The following HCRTR2 variants were observed in gnomAD, a reference collection of about 807,000 sequenced individuals.
HCRTR2 encodes orexin receptor type 2.
A neutral mutation model predicts 49.0 loss-of-function variants in HCRTR2; 22 were observed. The ratio of observed to expected loss-of-function variants is 0.45; its 90% CI spans 0.32 to 0.64. The LOEUF is 0.64. HCRTR2 is among the 30% of genes least tolerant of loss of function. The pLI is 0.04. For synonymous variants in HCRTR2, 236 were observed against 205.3 expected (o/e 1.15, Z -1.28); for missense variants, 491 against 559.4 (o/e 0.88, Z 1.23).
chr6:55,253,716 T>C (rs1330771764), intron 2 of HCRTR2, among the ~76,000 whole-genome samples: 1 of 152,176 alleles, frequency 6.6e-6, no homozygotes, highest in African/African-American at 2.4e-5. Flanking sequence ...AATGAGATCA[T>C]GTCCTTTGCA....
chr6:55,159,041 C>T (rs534213871), intron 1 of HCRTR2, among the ~76,000 whole-genome samples: 1 of 152,298 alleles, frequency 6.6e-6, no homozygotes, highest in South Asian at 2.1e-4. Flanking sequence ...TCGACAGACA[C>T]CTCATACAGG....
chr6:55,263,701 T>C lies in HCRTR2; in HGVS notation c.647-6T>C. ...TAAGGTTTTGTTGTTTTGACTTTCA[T>C]CCTAGGTGAAATTTATCCCAAGATG... On this transcript the variant is annotated splice_polypyrimidine_tract_variant and splice_region_variant and intron_variant, in intron 3 of 6. Transcript: ENST00000370862. 1.3e-6 allele frequency: 2 copies of C among 1,525,518 alleles called. No homozygotes were observed. Among genetic ancestry groups the C allele is most frequent in the Non-Finnish European group, 1.8e-6 (2 of 1,100,660 alleles). The allele number at this position is 1,525,518 out of a possible 1,614,324, so 94.5% of individuals were successfully genotyped here.
intron 1 of HCRTR2, among the ~76,000 whole-genome samples, chr6:55,183,859 C>T (rs534481971): frequency 1.3e-4 from 20 of 152,022 alleles, no homozygotes; most frequent in African/African-American, 4.6e-4. Flanking sequence ...AGAAAGAATA[C>T]ATATTGGAAA....
upstream of HCRTR2, among the ~76,000 whole-genome samples, chr6:55,174,028 T>C (rs1283659052): frequency 1.3e-5 from 2 of 152,158 alleles, no homozygotes; most frequent in African/African-American, 4.8e-5. Context: ...ACATGCTCTG[T>C]ATTAATTGTA....
At chr6:55,120,633 C>G (rs1424648429) in intron 1 of HCRTR2, among the ~76,000 whole-genome samples, 2 of 150,840 alleles carry the variant, frequency 1.3e-5, no homozygotes, top group African/African-American at 5.0e-5. Context: ...AGTTGCTTAT[C>G]AGCTTACGGA....
intron 1 of HCRTR2, among the ~76,000 whole-genome samples, chr6:55,184,574 A>T (rs1392812984): frequency 2.0e-5 from 3 of 152,174 alleles, no homozygotes; most frequent in Non-Finnish European, 4.4e-5. Context: ...AATGACATGT[A>T]TTTTATTCAA....
At position 55,212,924 on chromosome 6, in the gene HCRTR2, A is replaced by G. The variant is rs1248772993; in HGVS notation, c.224-35715A>G. ...ACAAAGTCAGTATCTCAAAAAATAT[A>G]CTACAAAAATTCTCATGTGTCCATT... On this transcript the variant is annotated intron_variant, in intron 1 of 6. Transcript: ENST00000370862. Among the ~76,000 whole-genome samples the G allele has an allele frequency of 2.6e-5, 4 of 152,210 alleles. No homozygotes were observed. In the East Asian group the frequency reaches 5.8e-4, roughly 22 times the overall value.
chr6:55,248,716 G>A lies in HCRTR2; in HGVS notation c.301G>A (p.Val101Met), dbSNP rs1197282265. The stretch of plus-strand genomic sequence containing the variant: ...CATAGTCAATCTTTCTCTGGCTGAT[G>A]TGCTCGTGACCATCACCTGCCTTCC... Reference protein sequence around the residue: ...YFIVNLSLADVLVTITCLPAT... With the variant: ...YFIVNLSLADMLVTITCLPAT... Residue 101 changes from valine to methionine, a missense_variant, in exon 2 of 7, where the codon GTG (valine) becomes ATG (methionine). Coordinates refer to ENST00000370862, the MANE Select transcript of HCRTR2 (RefSeq NM_001384272.1). The A allele has an allele frequency of 1.2e-6, 2 of 1,613,330 alleles. No homozygotes were observed. Among genetic ancestry groups the A allele is most frequent in the Non-Finnish European group, 1.7e-6 (2 of 1,179,516 alleles).
At chr6:55,107,970 C>A (rs916066426) in intron 1 of HCRTR2, among the ~76,000 whole-genome samples, 1 of 151,822 alleles carries the variant, frequency 6.6e-6, no homozygotes, top group African/African-American at 2.4e-5. Flanking sequence ...TTTTAAACCA[C>A]CTATCCATAC....
intron 2 of HCRTR2, among the ~76,000 whole-genome samples, chr6:55,249,096 T>A (rs1766501408): frequency 6.6e-6 from 1 of 152,014 alleles, no homozygotes. Context: ...TGCACAAACT[T>A]TTTTTATTCC....
chr6:55,108,274 G>A (rs182589210), intron 1 of HCRTR2, among the ~76,000 whole-genome samples: 174 of 152,104 alleles, frequency 1.1e-3, no homozygotes, highest in South Asian at 5.0e-3. Flanking sequence ...GCTCCCACTC[G>A]GATGGACAGA....
chr6:55,146,100 T>TA (rs1190172467), intron 1 of HCRTR2, among the ~76,000 whole-genome samples: 6 of 152,118 alleles, frequency 3.9e-5, no homozygotes, highest in Non-Finnish European at 7.4e-5. Flanking sequence ...ACAGGCCATG[T>TA]AAAAAACTTC....
At chr6:55,118,109 T>C (rs1413469639) in intron 1 of HCRTR2, among the ~76,000 whole-genome samples, 1 of 151,848 alleles carries the variant, frequency 6.6e-6, no homozygotes, top group Non-Finnish European at 1.5e-5. Context: ...CGTCCATGTG[T>C]TCTCATCATT....
chr6:55,214,190 A>G (rs892168190), intron 1 of HCRTR2, among the ~76,000 whole-genome samples: 2 of 152,152 alleles, frequency 1.3e-5, no homozygotes, highest in African/African-American at 4.8e-5. Context: ...TCTAATTGAG[A>G]ATTTACACAC....
intron 1 of HCRTR2, among the ~76,000 whole-genome samples, chr6:55,118,173 T>C (rs1289718055): frequency 6.6e-6 from 1 of 151,908 alleles, no homozygotes; most frequent in East Asian, 1.9e-4. Flanking sequence ...GTTCCTGAGT[T>C]AGTTTGCTTA....
In HCRTR2 at chr6:55,277,506, C is replaced by G. The variant is rs1476903099; in HGVS notation, c.889C>G (p.Arg297Gly). The change falls in exon 5 of 7, where the codon CGA becomes GGA. Residue 297 changes from arginine (R) to glycine (G), a missense_variant. Arg to Gly is a moderately radical substitution (Grantham distance 125). Coordinates refer to ENST00000370862, the MANE Select transcript of HCRTR2 (RefSeq NM_001384272.1). ...SAVAAEIKQI[R>G]ARRKTARMLM... ...TGTGGCGGCTGAAATAAAGCAGATC[C>G]GAGCCAGAAGGAAAACAGCCCGGAT... 6.2e-7 allele frequency: 1 copy of G among 1,614,044 alleles called. No homozygotes were observed. Among genetic ancestry groups the G allele is most frequent in the Non-Finnish European group, 8.5e-7 (1 of 1,179,996 alleles).
chr6:55,279,683 A>G (rs1767150897), intron 5 of HCRTR2, among the ~76,000 whole-genome samples: 1 of 152,116 alleles, frequency 6.6e-6, no homozygotes, highest in Non-Finnish European at 1.5e-5. Flanking sequence ...GAATATTTCT[A>G]AGTATGGAGA....
At chr6:55,159,832 A>G (rs1764780733) in intron 1 of HCRTR2, among the ~76,000 whole-genome samples, 1 of 152,244 alleles carries the variant, frequency 6.6e-6, no homozygotes, top group Non-Finnish European at 1.5e-5. Flanking sequence ...GAAATATGGG[A>G]ATATGTGAAA....
chr6:55,119,234 G>A (rs1764161698), intron 1 of HCRTR2, among the ~76,000 whole-genome samples: 1 of 152,008 alleles, frequency 6.6e-6, no homozygotes, highest in African/African-American at 2.4e-5. Flanking sequence ...TGTGAATAGT[G>A]CCACAATAAA....
Sources: gnomAD v4.1 joint callset for allele counts (sites outside exome capture counted in the v4.1 genomes callset) on GRCh38, gnomAD v4.1.1 for gene constraint, MANE v1.5 for transcripts, NCBI Gene and HGNC (gene_info 2026-07-23, HGNC 2026-07-21) for gene names.